Variants in ZBTB4 observed in about 807,000 individuals in gnomAD.
ZBTB4 encodes zinc finger and BTB domain containing 4, also known as zinc finger and BTB domain-containing protein 4.
In ZBTB4, 14 loss-of-function variants were observed where a neutral mutation model predicts 59.8. That is an observed-to-expected ratio of 0.23 (90% confidence interval 0.15 to 0.37). ZBTB4 has a LOEUF of 0.37. Ranked by LOEUF, ZBTB4 falls within the 10% of genes least tolerant of loss-of-function variation. The pLI is 1.00. For missense variants in ZBTB4, 1,198 were observed against 1,380.8 expected, an observed-to-expected ratio of 0.87 and a Z score of 2.10; for synonymous variants, 587 against 575.2, an observed-to-expected ratio of 1.02 and a Z score of -0.29.
At chr17:7,476,897 G>A (rs1382187436) in intron 1 of ZBTB4, among the ~76,000 whole-genome samples, 2 of 152,246 alleles carry the variant, frequency 1.3e-5, no homozygotes, top group Non-Finnish European at 2.9e-5. Context: ...GAATGTTCCA[G>A]AAGGCAGCAG....
intron 1 of ZBTB4, among the ~76,000 whole-genome samples, chr17:7,474,696 G>A (rs537737480): frequency 3.3e-5 from 5 of 152,114 alleles, no homozygotes; most frequent in Non-Finnish European, 7.4e-5. Flanking sequence ...TTGGCCTGGA[G>A]ATAGGGATGA....
upstream of ZBTB4, chr17:7,483,442 C>A: frequency 3.8e-6 from 1 of 262,880 alleles, no homozygotes; most frequent in Admixed American, 5.1e-5. Flanking sequence ...GCTTGTGCCC[C>A]CCCCTTGGGG....
upstream of ZBTB4, among the ~76,000 whole-genome samples, chr17:7,483,763 A>G (rs1171083081): frequency 6.6e-6 from 1 of 152,064 alleles, no homozygotes. Flanking sequence ...CAGGCCTCCC[A>G]GCTGAAGTCT....
rs3853894 is a variant in ZBTB4, at chr17:7,467,286, G to T, written c.-39C>A. The T allele has an allele frequency of 2.0e-6, 2 of 983,792 alleles. No individual in the cohort carries two copies. Among genetic ancestry groups the T allele is most frequent in the Non-Finnish European group, 1.2e-6 (1 of 827,734 alleles). 60.9% of individuals were successfully genotyped at this position (983,792 alleles called of 1,614,324 possible). The stretch of plus-strand genomic sequence containing the variant: ...GAGCACAGCCAACATGGAGTGGGGC[G>T]GGGGGTGGCTCAGCGAGTCCCTTCT... On this transcript the variant is annotated 5_prime_UTR_variant, in exon 2 of 4. Coordinates refer to ENST00000380599, the MANE Select transcript of ZBTB4 (RefSeq NM_001128833.2).
chr17:7,477,690 A>G (rs1044311750), intron 1 of ZBTB4, among the ~76,000 whole-genome samples: 1 of 152,176 alleles, frequency 6.6e-6, no homozygotes, highest in African/African-American at 2.4e-5. Flanking sequence ...AGTGGGGCCC[A>G]GTGTGCGTCA....
At chr17:7,468,579 T>C (rs1466808678) in intron 1 of ZBTB4, among the ~76,000 whole-genome samples, 1 of 152,082 alleles carries the variant, frequency 6.6e-6, no homozygotes, top group Non-Finnish European at 1.5e-5. Context: ...CGGCACCTAT[T>C]TAGAGATCCA....
chr17:7,481,932 C>G, upstream of ZBTB4: 1 of 1,543,640 alleles, frequency 6.5e-7, no homozygotes, highest in South Asian at 1.3e-5. Context: ...TCTGCCCTGC[C>G]CCAGGTCGCC....
rs1427921284 is a variant in ZBTB4 at position 7,463,483 on chromosome 17, C to G, written c.1499G>C (p.Gly500Ala). The change falls in exon 4 of 4, where the codon GGA (glycine) becomes GCA (alanine). Residue 500 changes from glycine to alanine, a missense_variant. Physicochemically the swap from Gly to Ala is moderately conservative, Grantham distance 60. This residue lies in a region of ZBTB4 where 550 missense variants were observed against 541.8 expected (regional missense o/e 1.02). Coordinates refer to ENST00000380599, the MANE Select transcript of ZBTB4 (RefSeq NM_001128833.2). Reference protein sequence around the residue: ...GGGGSGTASTGGSQAASVITY... With the variant: ...GGGGSGTASTAGSQAASVITY... ...GATAACCGAGGCAGCTTGGGACCCTCCTGTGCTGGCCGTCCCACTCCCCCC... is the reference window on the plus strand; with the variant it reads ...GATAACCGAGGCAGCTTGGGACCCTGCTGTGCTGGCCGTCCCACTCCCCCC... 6.5e-7 allele frequency: 1 copy of G among 1,542,014 alleles called. No homozygotes were observed. Among genetic ancestry groups the G allele is most frequent in the Non-Finnish European group, 8.7e-7 (1 of 1,144,440 alleles).
upstream of ZBTB4, chr17:7,482,019 A>G: frequency 6.2e-7 from 1 of 1,607,804 alleles, no homozygotes; most frequent in South Asian, 1.1e-5. Flanking sequence ...AACCCGCCTG[A>G]CTCCACACAC....
In ZBTB4 at chr17:7,466,937, T is replaced by C; in HGVS notation, c.-9-127A>G. ...AACTAGTGGAAGGCTGAATCACTTC[T>C]GGTCACAGAAGTCAGGGGTTGGCCC... On this transcript the variant is annotated intron_variant, in intron 2 of 3. Coordinates refer to ENST00000380599, the MANE Select transcript of ZBTB4 (RefSeq NM_001128833.2). The surrounding 1 kb of genome is among the most constrained non-coding windows in gnomAD (Gnocchi z 9.1). 1 of 1,419,638 alleles carries C rather than the reference T, an allele frequency of 7.0e-7. No homozygotes were observed. The highest frequency in any genetic ancestry group is 2.5e-5 in the East Asian group (1 of 39,838). 87.9% of individuals were successfully genotyped at this position (1,419,638 alleles called of 1,614,324 possible). A position where few individuals can be genotyped will look rare whatever the true frequency, so the allele number is the denominator to read the frequency against.
chr17:7,469,859 G>A (rs912289484), intron 1 of ZBTB4, among the ~76,000 whole-genome samples: 4 of 152,042 alleles, frequency 2.6e-5, no homozygotes, highest in Non-Finnish European at 5.9e-5. Context: ...AGAGGCGGGT[G>A]GATCGCGAGG....
upstream of ZBTB4, chr17:7,482,385 G>A (rs368097455): frequency 2.9e-5 from 47 of 1,613,862 alleles, no homozygotes; most frequent in Non-Finnish European, 3.3e-5. Flanking sequence ...GCCACTGTTC[G>A]CAAAGGTTCT....
chr17:7,463,341 C>A lies in ZBTB4; in HGVS notation c.1641G>T (p.Gly547=). ...CCTCCGTGGTGGTGGCCATGGCTGG[C>A]CCTGCAGCGGTGGCTGGGCTGACTG... The part of the protein sequence containing the change: ...ATAVSPATAA[G]PAMATTTEEA... The change falls in exon 4 of 4, where the codon GGG becomes GGT. Residue 547 remains glycine (G), a synonymous_variant. Coordinates refer to ENST00000380599, the MANE Select transcript of ZBTB4 (RefSeq NM_001128833.2). 6.2e-7 allele frequency: 1 copy of A among 1,607,008 alleles called. No individual in the cohort carries two copies. The highest frequency in any genetic ancestry group is 8.5e-7 in the Non-Finnish European group (1 of 1,177,012).
upstream of ZBTB4, chr17:7,481,335 CAAAA>C (rs1379901371): frequency 3.7e-6 from 4 of 1,091,082 alleles, no homozygotes; most frequent in Non-Finnish European, 2.4e-6. Flanking sequence ...TCGTCGCAAA[CAAAA>C]AAAGAAAGAA....
chr17:7,478,915 C>T (rs1325391608), intron 1 of ZBTB4, among the ~76,000 whole-genome samples: 3 of 152,226 alleles, frequency 2.0e-5, no homozygotes, highest in African/African-American at 4.8e-5. Flanking sequence ...ACAAGACACA[C>T]GATCTCCAAG....
upstream of ZBTB4, chr17:7,482,191 G>C (rs753760826): frequency 1.2e-6 from 2 of 1,613,836 alleles, no homozygotes. Flanking sequence ...ACCTGCCCTC[G>C]CTGGAGCTGC....
chr17:7,472,955 CT>C lies in ZBTB4; in HGVS notation c.-80-5629del, dbSNP rs983778907. 1.8e-3 allele frequency among the ~76,000 whole-genome samples: 260 copies of C among 144,262 alleles called. 1 individual carries two copies. Among genetic ancestry groups the C allele is most frequent in the African/African-American group, 5.9e-3 (232 of 39,330 alleles). The allele number at this position is 144,262 out of a possible 152,430, so 94.6% of individuals were successfully genotyped here. Reference sequence around the variant, plus strand: ...CACTGAAACTGGCCCAACTGCTTCTCTTTTTTTTTTGCGGCGGGGGACAGAG... The same window carrying C: ...CACTGAAACTGGCCCAACTGCTTCTCTTTTTTTTTGCGGCGGGGGACAGAG... On this transcript the variant is annotated intron_variant, in intron 1 of 3. Coordinates refer to ENST00000380599, the MANE Select transcript of ZBTB4 (RefSeq NM_001128833.2).
At position 7,461,366 on chromosome 17, in the gene ZBTB4, C is replaced by G. The variant is rs1321204298; in HGVS notation, c.*574G>C. 6.5e-6 allele frequency: 1 copy of G among 152,734 alleles called. No individual in the cohort carries two copies. Among genetic ancestry groups the G allele is most frequent in the Non-Finnish European group, 1.5e-5 (1 of 68,158 alleles). The allele number at this position is 152,734 out of a possible 1,614,324, so 9.5% of individuals were successfully genotyped here. On this transcript the variant is annotated 3_prime_UTR_variant, in exon 4 of 4. Coordinates refer to ENST00000380599, the MANE Select transcript of ZBTB4 (RefSeq NM_001128833.2). ...AAGGCATGGAAGCTGAGGAAGGTGTCTTGATACAAGGGAAACAGGGACGTA... is the reference window on the plus strand; with the variant it reads ...AAGGCATGGAAGCTGAGGAAGGTGTGTTGATACAAGGGAAACAGGGACGTA...
rs1567682733 is a variant in ZBTB4, at chr17:7,461,779, C to T, written c.*161G>A. ...CCCTTCCCAGGAGATGGGAAAACTA[C>T]ATCTCACACAAAGCAGCCTGACCCC... On this transcript the variant is annotated 3_prime_UTR_variant, in exon 4 of 4. Transcript: ENST00000380599. 3 of 561,622 alleles carry T rather than the reference C, an allele frequency of 5.3e-6. No homozygotes were observed. The East Asian group carries it at 9.2e-5, about 17-fold the overall frequency. The allele number at this position is 561,622 out of a possible 1,614,324, so 34.8% of individuals were successfully genotyped here.
Sources: gnomAD v4.1 joint callset for allele counts (sites outside exome capture counted in the v4.1 genomes callset) on GRCh38, gnomAD v4.1.1 for gene constraint, gnomAD v4.1.1 regional missense constraint, Gnocchi (gnomAD v3.1) non-coding constraint, MANE v1.5 for transcripts, NCBI Gene and HGNC (gene_info 2026-07-23, HGNC 2026-07-21) for gene names.